VLDLR: variants seen among roughly 807,000 people sequenced by gnomAD.
VLDLR encodes very low density lipoprotein receptor.
In VLDLR, 81 loss-of-function variants were observed where a neutral mutation model predicts 112.7. The observed-to-expected ratio is 0.72, with a 90% confidence interval of 0.60 to 0.86. VLDLR has a LOEUF of 0.86. Among genes scored for constraint, VLDLR ranks in the 40% least tolerant of loss-of-function variants. The pLI is 0.00. For missense variants in VLDLR, 1,237 were observed against 1,099.4 expected, an observed-to-expected ratio of 1.13 and a Z score of -1.77; for synonymous variants, 436 against 384.8, an observed-to-expected ratio of 1.13 and a Z score of -1.56.
At chr9:2,653,768 T>TA (rs1818466241) in intron 18 of VLDLR, 65 bp from the exon 19 acceptor site, 1 of 1,589,556 alleles carries the variant, frequency 6.3e-7, no homozygotes, top group Non-Finnish European at 8.6e-7. Flanking sequence ...AGGTCCATTT[T>TA]AAAGACTAGA....
At chr9:2,636,955 C>T (rs889127830) in intron 2 of VLDLR, among the ~76,000 whole-genome samples, 1 of 152,158 alleles carries the variant, frequency 6.6e-6, no homozygotes, top group Non-Finnish European at 1.5e-5. Flanking sequence ...TCAGTAGGAA[C>T]TAACCTGGGT....
At chr9:2,639,591 T>C (rs111713441) in intron 2 of VLDLR, among the ~76,000 whole-genome samples, 8 of 152,316 alleles carry the variant, frequency 5.3e-5, no homozygotes, top group African/African-American at 1.7e-4. Context: ...GGAAGTTAAA[T>C]GTAAGGTATC....
chr9:2,626,151 T>G (rs1227168238), intron 1 of VLDLR, among the ~76,000 whole-genome samples: 1 of 152,232 alleles, frequency 6.6e-6, no homozygotes, highest in African/African-American at 2.4e-5. Context: ...CCAGAAGGGT[T>G]CCACAGAGTT....
chr9:2,643,636 A>C lies in VLDLR; in HGVS notation c.829A>C (p.Thr277Pro), dbSNP rs1021503222. Residue 277 changes from threonine (T) to proline (P), a missense_variant, in exon 6 of 19, where the codon ACT (threonine) becomes CCT (proline). Physicochemically the swap from Thr to Pro is conservative, Grantham distance 38. Coordinates refer to ENST00000382100, the MANE Select transcript of VLDLR (RefSeq NM_003383.5). The stretch of plus-strand genomic sequence containing the variant: ...GTTTCCTCCCTTTGTAGCCTCTCGA[A>C]CTTGCCGACCTGACCAATTTGAATG... ...GSDEVNCPSR[T>P]CRPDQFECED... 3 of 1,614,066 alleles carry C rather than the reference A, an allele frequency of 1.9e-6. No individual in the cohort carries two copies. The Admixed American group carries it at 5.0e-5, about 27-fold the overall frequency.
At chr9:2,632,595 A>G (rs1413290167) in intron 1 of VLDLR, among the ~76,000 whole-genome samples, 1 of 152,212 alleles carries the variant, frequency 6.6e-6, no homozygotes, top group Non-Finnish European at 1.5e-5. Context: ...TTTGGAAACC[A>G]AAAGCCTCTT....
intron 4 of VLDLR, among the ~76,000 whole-genome samples, chr9:2,642,143 C>G (rs978747113): frequency 6.6e-6 from 1 of 152,098 alleles, no homozygotes; most frequent in East Asian, 1.9e-4. Context: ...TAATAAAATG[C>G]TGCATGTTGA....
At position 2,656,544 on chromosome 9, in the gene VLDLR, A is replaced by G. The variant is rs950640378; in HGVS notation, c.*2676A>G. 6 of 152,200 alleles carry G rather than the reference A, an allele frequency of 3.9e-5. No individual in the cohort carries two copies. The highest frequency in any genetic ancestry group is 1.4e-4 in the African/African-American group (6 of 41,452). The allele number at this position is 152,200 out of a possible 1,614,324, so 9.4% of individuals were successfully genotyped here. A position where few individuals can be genotyped will look rare whatever the true frequency, so the allele number is the denominator to read the frequency against. On this transcript the variant is annotated 3_prime_UTR_variant, in exon 19 of 19. Coordinates refer to ENST00000382100, the MANE Select transcript of VLDLR (RefSeq NM_003383.5). ...ATAACAGGCCTCGGCTTTATCACCC[A>G]AAAAATAACTTGAATTCTATGTGAA...
intron 1 of VLDLR, 57 bp downstream of exon 1, chr9:2,622,328 AC>A: frequency 7.2e-7 from 1 of 1,388,332 alleles, no homozygotes; most frequent in Non-Finnish European, 9.3e-7. Context: ...GCACCGGGAG[AC>A]CCCGAGGCGT....
chr9:2,648,752 C>T lies in VLDLR; in HGVS notation c.2046C>T (p.Val682=). ...KFTGSELATL[V]NNLNDAQDII... ...CTGGATCAGAGCTAGCCACTCTAGT[C>T]AACAACCTGAATGATGCCCAAGACA... Residue 682 remains valine (V), a synonymous_variant, in exon 14 of 19, where the codon GTC becomes GTT. Coordinates refer to ENST00000382100, the MANE Select transcript of VLDLR (RefSeq NM_003383.5). 2 of 1,614,146 alleles carry T rather than the reference C, an allele frequency of 1.2e-6. No individual in the cohort carries two copies. The highest frequency in any genetic ancestry group is 1.7e-6 in the Non-Finnish European group (2 of 1,180,032).
chr9:2,628,757 A>C (rs1312752521), intron 1 of VLDLR, among the ~76,000 whole-genome samples: 1 of 152,108 alleles, frequency 6.6e-6, no homozygotes, highest in Non-Finnish European at 1.5e-5. Context: ...TCAAAGATAG[A>C]CTACACAGGG....
chr9:2,643,894 T>C lies in VLDLR; in HGVS notation c.1001T>C (p.Ile334Thr), dbSNP rs1305697764. 3 of 1,614,132 alleles carry C rather than the reference T, an allele frequency of 1.9e-6. No individual in the cohort carries two copies. Among genetic ancestry groups the C allele is most frequent in the Non-Finnish European group, 1.7e-6 (2 of 1,180,026 alleles). Residue 334 changes from isoleucine (I) to threonine (T), a missense_variant, in exon 7 of 19, where the codon ATC becomes ACC. Ile to Thr is a moderately conservative substitution (Grantham distance 89). Transcript: ENST00000382100. ...FKCRSGECIDISKVCNQEQDC... is the reference protein window; with the variant it reads ...FKCRSGECIDTSKVCNQEQDC... Reference sequence around the variant, plus strand: ...TGCAGAAGTGGAGAATGCATAGATATCAGCAAAGTATGTAACCAGGAGCAG... The same window carrying C: ...TGCAGAAGTGGAGAATGCATAGATACCAGCAAAGTATGTAACCAGGAGCAG...
chr9:2,649,272 G>A (rs1444139348), intron 14 of VLDLR, among the ~76,000 whole-genome samples: 3 of 152,172 alleles, frequency 2.0e-5, no homozygotes, highest in African/African-American at 7.2e-5. Flanking sequence ...GCCTCTTGAG[G>A]GCTGTGAGGG....
Position 2,650,495 on chromosome 9 carries a change from G to A in VLDLR, c.2230G>A (p.Glu744Lys), listed in dbSNP as rs1818275858. ...CSCPSGYNVE[E>K]NGRDCQSTAT... is the part of the protein sequence containing the mutation. ...CTGTCCCAGTGGGTACAATGTAGAG[G>A]AAAATGGCCGAGACTGTCAAAGTAA... The change falls in exon 15 of 19, where the codon GAA becomes AAA. Residue 744 changes from glutamate (E) to lysine (K), a missense_variant. By Grantham distance (56) the Glu-to-Lys change is moderately conservative. Coordinates refer to ENST00000382100, the MANE Select transcript of VLDLR (RefSeq NM_003383.5). 6.2e-7 allele frequency: 1 copy of A among 1,613,828 alleles called. No individual in the cohort carries two copies. The highest frequency in any genetic ancestry group is 8.5e-7 in the Non-Finnish European group (1 of 1,179,998).
In VLDLR at chr9:2,635,451, A is replaced by T; in HGVS notation, c.83-2A>T. On this transcript the variant is annotated splice_acceptor_variant, in intron 1 of 18. Coordinates refer to ENST00000382100, the MANE Select transcript of VLDLR (RefSeq NM_003383.5). LOFTEE classifies it high-confidence loss of function. Reference sequence around the variant, plus strand: ...TTACCGAATGTTCCCTTCTTATTCTAGGGAGAAAAGCCAAATGTGAACCCT... The same window carrying T: ...TTACCGAATGTTCCCTTCTTATTCTTGGGAGAAAAGCCAAATGTGAACCCT... 6.2e-7 allele frequency: 1 copy of T among 1,614,002 alleles called. No homozygotes were observed. The highest frequency in any genetic ancestry group is 8.5e-7 in the Non-Finnish European group (1 of 1,179,890).
chr9:2,648,145 A>AT (rs1818154661), intron 12 of VLDLR, 63 bp from the exon 13 acceptor site: 2 of 1,603,338 alleles, frequency 1.2e-6, no homozygotes, highest in Non-Finnish European at 1.7e-6. Context: ...TTCATTAGAT[A>AT]TTTTTAATGG....
chr9:2,645,218 C>A, intron 9 of VLDLR, 136 bp downstream of exon 9: 2 of 1,301,408 alleles, frequency 1.5e-6, no homozygotes, highest in Non-Finnish European at 1.1e-6. Context: ...CATAATACAG[C>A]AGTATAGGTC....
At chr9:2,625,761 T>C (rs893216790) in intron 1 of VLDLR, among the ~76,000 whole-genome samples, 3 of 152,174 alleles carry the variant, frequency 2.0e-5, no homozygotes, top group Admixed American at 6.6e-5. Flanking sequence ...AGGCAAACAG[T>C]CCAAAAATAC....
intron 15 of VLDLR, 90 bp downstream of exon 15, chr9:2,650,606 G>A: frequency 2.0e-6 from 3 of 1,537,524 alleles, no homozygotes; most frequent in South Asian, 1.1e-5. Flanking sequence ...TTCTGTCTTA[G>A]CTAATTCTTT....
intron 11 of VLDLR, 39 bp downstream of exon 11, chr9:2,646,591 A>G: frequency 6.3e-7 from 1 of 1,591,376 alleles, no homozygotes. Flanking sequence ...TTGGAATGGT[A>G]TCTGTGTAGG....
Sources: gnomAD v4.1 joint callset for allele counts (sites outside exome capture counted in the v4.1 genomes callset) on GRCh38, gnomAD v4.1.1 for gene constraint, MANE v1.5 for transcripts, NCBI Gene and HGNC (gene_info 2026-07-23, HGNC 2026-07-21) for gene names.